EAF2: variants seen among roughly 807,000 people sequenced by gnomAD.
EAF2 encodes the protein ELL associated factor 2, also known as ELL-associated factor 2.
EAF2 carries 29 observed loss-of-function variants against 29.4 expected under a neutral mutation model. The observed-to-expected ratio is 0.99, with a 90% CI of 0.73 to 1.35. The LOEUF is 1.35. Among genes scored for constraint, EAF2 ranks in the 40% most tolerant of loss-of-function variants. The pLI is 0.00. For synonymous variants in EAF2, 103 were observed against 102.5 expected, an observed-to-expected ratio of 1.00 and a Z score of -0.03; for missense variants, 292 against 312.0, an observed-to-expected ratio of 0.94 and a Z score of 0.48.
chr3:121,847,242 A>G (rs1449612335), intron 2 of EAF2, among the ~76,000 whole-genome samples: 3 of 152,232 alleles, frequency 2.0e-5, no homozygotes, highest in African/African-American at 7.2e-5. Context: ...TCTAAGAACT[A>G]TAAAAAGATA....
At chr3:121,859,338 T>C (rs1321485738) in intron 4 of EAF2, among the ~76,000 whole-genome samples, 4 of 152,224 alleles carry the variant, frequency 2.6e-5, no homozygotes, top group Admixed American at 1.3e-4. Context: ...TGTCCTCTTT[T>C]ATTTTTTTGA....
intron 5 of EAF2, among the ~76,000 whole-genome samples, chr3:121,880,458 GTGT>G (rs760828210): frequency 0.09 from 1,661 of 18,510 alleles, 20 homozygotes; most frequent in Middle Eastern, 0.28. Context: ...GTTTTGGGGT[GTGT>G]GTGTGTGTGT....
chr3:121,873,634 G>C (rs1385075000), intron 5 of EAF2, among the ~76,000 whole-genome samples: 1 of 151,656 alleles, frequency 6.6e-6, no homozygotes, highest in Non-Finnish European at 1.5e-5. Flanking sequence ...CTTTTTAATA[G>C]CTTGTAATTT....
intron 1 of EAF2, 130 bp downstream of exon 1, chr3:121,835,521 G>A: frequency 1.2e-6 from 1 of 805,604 alleles, no homozygotes; most frequent in Non-Finnish European, 2.0e-6. Flanking sequence ...GGAGGGGGGA[G>A]GCAGCGCGAT....
At chr3:121,880,401 C>G (rs887678496) in intron 5 of EAF2, among the ~76,000 whole-genome samples, 3 of 151,356 alleles carry the variant, frequency 2.0e-5, no homozygotes, top group African/African-American at 7.3e-5. Context: ...CCTTGGCCTC[C>G]TAAAGCACTG....
At chr3:121,878,001 A>T (rs529976173) in intron 5 of EAF2, among the ~76,000 whole-genome samples, 1 of 152,270 alleles carries the variant, frequency 6.6e-6, no homozygotes, top group African/African-American at 2.4e-5. Flanking sequence ...TTGAAGATAA[A>T]TGAGTGAAAG....
chr3:121,844,441 A>G lies in EAF2; in HGVS notation c.107-12A>G. 1 of 1,549,414 alleles carries G rather than the reference A, an allele frequency of 6.5e-7. No homozygotes were observed. Among genetic ancestry groups the G allele is most frequent in the Non-Finnish European group, 8.8e-7 (1 of 1,133,126 alleles). ...ACATTTTACAAAAATTGGTATTTGTATCTATTTTTAGATGACTTCAAACCT... is the reference window on the plus strand; with the variant it reads ...ACATTTTACAAAAATTGGTATTTGTGTCTATTTTTAGATGACTTCAAACCT... On this transcript the variant is annotated splice_polypyrimidine_tract_variant and intron_variant, in intron 1 of 5. Transcript: ENST00000273668.
At chr3:121,883,422 A>G (rs556810684) in intron 5 of EAF2, among the ~76,000 whole-genome samples, 1 of 152,244 alleles carries the variant, frequency 6.6e-6, no homozygotes, top group East Asian at 1.9e-4. Flanking sequence ...AATCATCTTC[A>G]GTTTACATGA....
intron 1 of EAF2, among the ~76,000 whole-genome samples, chr3:121,843,979 G>A (rs923195047): frequency 6.6e-6 from 1 of 152,032 alleles, no homozygotes; most frequent in Non-Finnish European, 1.5e-5. Flanking sequence ...ACAGACAAGT[G>A]GTAGTAGGCA....
intron 2 of EAF2, among the ~76,000 whole-genome samples, chr3:121,847,224 T>C (rs1401544655): frequency 6.6e-6 from 1 of 152,152 alleles, no homozygotes; most frequent in Non-Finnish European, 1.5e-5. Context: ...CTGATTAAAA[T>C]GTAGAAATCT....
At chr3:121,860,679 C>G (rs551291937) in intron 4 of EAF2, among the ~76,000 whole-genome samples, 115 of 151,824 alleles carry the variant, frequency 7.6e-4, no homozygotes, top group African/African-American at 2.1e-3. Context: ...CTTCAGTTCT[C>G]CTCTGATCTT....
At chr3:121,845,921 A>G (rs1708521926) in intron 2 of EAF2, among the ~76,000 whole-genome samples, 1 of 152,178 alleles carries the variant, frequency 6.6e-6, no homozygotes, top group African/African-American at 2.4e-5. Context: ...TCCTTGAGTT[A>G]GAAATTTTTG....
At chr3:121,878,561 C>T (rs1391600845) in intron 5 of EAF2, among the ~76,000 whole-genome samples, 1 of 152,078 alleles carries the variant, frequency 6.6e-6, no homozygotes, top group African/African-American at 2.4e-5. Context: ...TCCTTGTCTT[C>T]ACCTTTCCGA....
intron 1 of EAF2, among the ~76,000 whole-genome samples, chr3:121,840,525 G>T (rs1708399002): frequency 1.9e-5 from 2 of 102,588 alleles, no homozygotes; most frequent in South Asian, 7.6e-4. Context: ...AAAAAAACGG[G>T]CCGGGTGCGG....
Position 121,869,664 on chromosome 3 carries a change from C to T in EAF2, c.485-2873C>T, listed in dbSNP as rs192739361. Among the ~76,000 whole-genome samples the T allele has an allele frequency of 6.6e-5, 10 of 152,078 alleles. No individual in the cohort carries two copies. The East Asian group carries it at 1.9e-3, about 29-fold the overall frequency. ...GGCCAAGGCAAGAGGGTTGCTTGAG[C>T]CCGGGAGTTTGAGACCAGCCTAGGC... On this transcript the variant is annotated intron_variant, in intron 4 of 5. Coordinates refer to ENST00000273668, the MANE Select transcript of EAF2 (RefSeq NM_018456.6).
At chr3:121,863,136 G>A (rs1273058922) in intron 4 of EAF2, among the ~76,000 whole-genome samples, 2 of 152,152 alleles carry the variant, frequency 1.3e-5, no homozygotes, top group African/African-American at 2.4e-5. Context: ...TAGGCTATTC[G>A]GGGGTCAGGG....
chr3:121,843,002 A>G (rs371704470), intron 1 of EAF2, among the ~76,000 whole-genome samples: 2 of 152,310 alleles, frequency 1.3e-5, no homozygotes, highest in African/African-American at 4.8e-5. Flanking sequence ...TTATAACTGT[A>G]TCTTAAAATC....
At chr3:121,852,044 G>C (rs2107512943) in intron 2 of EAF2, among the ~76,000 whole-genome samples, 1 of 152,162 alleles carries the variant, frequency 6.6e-6, no homozygotes, top group East Asian at 1.9e-4. Context: ...TAGAGATTAT[G>C]AAAGATTTGT....
At chr3:121,866,824 CA>C (rs1344487555) in intron 4 of EAF2, among the ~76,000 whole-genome samples, 1 of 152,148 alleles carries the variant, frequency 6.6e-6, no homozygotes, top group Admixed American at 6.5e-5. Flanking sequence ...TGAGAAAAGA[CA>C]ATCAACTGAC....
Sources: gnomAD v4.1 joint callset for allele counts (sites outside exome capture counted in the v4.1 genomes callset) on GRCh38, gnomAD v4.1.1 for gene constraint, MANE v1.5 for transcripts, NCBI Gene and HGNC (gene_info 2026-07-23, HGNC 2026-07-21) for gene names.